Variants in YES1 observed in about 807,000 individuals in gnomAD.
YES1 encodes YES proto-oncogene 1, Src family tyrosine kinase, also known as tyrosine-protein kinase Yes.
YES1 carries 39 observed loss-of-function variants against 70.4 expected under a neutral mutation model. That is an observed-to-expected ratio of 0.55 (90% CI 0.43 to 0.72). The LOEUF (loss-of-function observed/expected upper bound fraction) is 0.72. Among genes scored for constraint, YES1 ranks in the 30% least tolerant of loss-of-function variants. The probability of loss-of-function intolerance (pLI) is 0.00; values close to 1 mark genes in which losing one functional copy is unlikely to be tolerated. For synonymous variants in YES1, 198 were observed against 218.6 expected, an observed-to-expected ratio of 0.91 and a Z score of 0.83; for missense variants, 495 against 644.8, an observed-to-expected ratio of 0.77 and a Z score of 2.52.
chr18:759,603 G>A lies in YES1; in HGVS notation c.-8-2768C>T, dbSNP rs149925240. ...AAAAATTGTGTCTGTACTAAATAAC[G>A]TACAGACTTTTTTTCCTTGTCATTA... On this transcript the variant is annotated intron_variant, in intron 1 of 11. Transcript: ENST00000314574. Among the ~76,000 whole-genome samples the A allele has an allele frequency of 3.4e-3, 507 of 150,684 alleles. 3 individuals are homozygous for A. Among genetic ancestry groups the A allele is most frequent in the Middle Eastern group, 0.01 (3 of 294 alleles).
intron 1 of YES1, among the ~76,000 whole-genome samples, chr18:810,317 CAT>C (rs1907310009): frequency 6.6e-6 from 1 of 152,086 alleles, no homozygotes; most frequent in African/African-American, 2.4e-5. Context: ...ATTTTACTTG[CAT>C]AGACATTAAT....
At chr18:751,945 A>C (rs2145728753) in intron 2 of YES1, 141 bp from the exon 3 acceptor site, 1 of 637,206 alleles carries the variant, frequency 1.6e-6, no homozygotes, top group Non-Finnish European at 2.8e-6. Context: ...AGAAGTTGGA[A>C]CTACTGAAGA....
chr18:780,969 C>T (rs1905628601), intron 1 of YES1, among the ~76,000 whole-genome samples: 1 of 152,100 alleles, frequency 6.6e-6, no homozygotes, highest in African/African-American at 2.4e-5. Context: ...AACTCCTTAA[C>T]ATAAAATAGA....
chr18:809,467 T>C (rs1260199572), intron 1 of YES1, among the ~76,000 whole-genome samples: 1 of 152,064 alleles, frequency 6.6e-6, no homozygotes, highest in Non-Finnish European at 1.5e-5. Context: ...ACCCAGATAA[T>C]TTTTGTACTT....
At chr18:779,217 C>T (rs1905532092) in intron 1 of YES1, among the ~76,000 whole-genome samples, 1 of 151,740 alleles carries the variant, frequency 6.6e-6, no homozygotes. Context: ...GCCTGGGCAA[C>T]AAAAGGAGAC....
rs751882704 is a variant in YES1 at position 743,299 on chromosome 18, C to T, written c.841G>A (p.Val281Ile). The T allele has an allele frequency of 6.8e-6, 11 of 1,612,112 alleles. No individual in the cohort carries two copies. The highest frequency in any genetic ancestry group is 8.5e-6 in the Non-Finnish European group (10 of 1,179,998). Residue 281 changes from valine to isoleucine, a missense_variant, in exon 7 of 12, where the codon GTT becomes ATT. Val to Ile is a conservative substitution (Grantham distance 29, BLOSUM62 3). Coordinates refer to ENST00000314574, the MANE Select transcript of YES1 (RefSeq NM_005433.4). ...CCGAAACATCCTTGTCCTAGTTTAA[C>T]CTCTAGTCGCAAAGATTCTCGAGGG... Reference protein sequence around the residue: ...EIPRESLRLEVKLGQGCFGEV... With the variant: ...EIPRESLRLEIKLGQGCFGEV...
intron 11 of YES1, among the ~76,000 whole-genome samples, chr18:731,966 CAAAAAAAAAA>C (rs1165333694): frequency 1.0e-4 from 8 of 79,970 alleles, no homozygotes; most frequent in East Asian, 3.7e-4. Context: ...GACTCCATTT[CAAAAAAAAAA>C]AAAAAAAAAA....
chr18:751,893 G>T, intron 2 of YES1, 89 bp from the exon 3 acceptor site: 1 of 756,518 alleles, frequency 1.3e-6, no homozygotes. Context: ...AAAAAAAAAA[G>T]CTTAAGGATA....
intron 1 of YES1, among the ~76,000 whole-genome samples, 153 bp downstream of exon 1, chr18:811,961 G>C (rs1383761102): frequency 6.6e-6 from 1 of 152,134 alleles, no homozygotes; most frequent in Non-Finnish European, 1.5e-5. Flanking sequence ...GCGATCCGGG[G>C]GAGGGGAGAA....
chr18:779,759 G>C (rs1905559918), intron 1 of YES1, among the ~76,000 whole-genome samples: 1 of 151,980 alleles, frequency 6.6e-6, no homozygotes, highest in African/African-American at 2.4e-5. Flanking sequence ...CAAGATTTTT[G>C]ACCAGCAAAT....
chr18:785,737 A>T (rs1905903092), intron 1 of YES1, among the ~76,000 whole-genome samples: 1 of 151,966 alleles, frequency 6.6e-6, no homozygotes, highest in South Asian at 2.1e-4. Flanking sequence ...CCAGTCTGTC[A>T]AGACCAGTCT....
chr18:776,233 G>A (rs1275246400), intron 1 of YES1, among the ~76,000 whole-genome samples: 4 of 149,388 alleles, frequency 2.7e-5, no homozygotes, highest in African/African-American at 5.0e-5. Context: ...TCCCTCTGTC[G>A]CCCAGGCTGG....
At chr18:748,469 T>C (rs560739398) in intron 3 of YES1, among the ~76,000 whole-genome samples, 1 of 151,940 alleles carries the variant, frequency 6.6e-6, no homozygotes, top group East Asian at 1.9e-4. Flanking sequence ...TGTACAACCA[T>C]TATCACAATC....
chr18:727,993 A>G (rs190121703), intron 11 of YES1, among the ~76,000 whole-genome samples: 28 of 152,306 alleles, frequency 1.8e-4, no homozygotes, highest in Admixed American at 1.6e-3. Context: ...GAATATTTGC[A>G]TATACATAAT....
At chr18:773,631 T>C (rs1447224929) in intron 1 of YES1, among the ~76,000 whole-genome samples, 1 of 152,198 alleles carries the variant, frequency 6.6e-6, no homozygotes, top group South Asian at 2.1e-4. Flanking sequence ...TTAAAACCTC[T>C]AGACTTTCAT....
chr18:750,281 T>C (rs546290951), intron 3 of YES1, among the ~76,000 whole-genome samples: 39 of 152,330 alleles, frequency 2.6e-4, no homozygotes, highest in African/African-American at 9.1e-4. Context: ...TGATTCACTC[T>C]AACATTTACT....
At chr18:771,367 CAA>C (rs879475206) in intron 1 of YES1, among the ~76,000 whole-genome samples, 1 of 131,540 alleles carries the variant, frequency 7.6e-6, no homozygotes. Context: ...AACTTTGTCT[CAA>C]AAAAAAAAAA....
At chr18:725,513 C>T (rs75389570) in intron 11 of YES1, among the ~76,000 whole-genome samples, 1 of 152,128 alleles carries the variant, frequency 6.6e-6, no homozygotes, top group Middle Eastern at 3.4e-3. Context: ...TTAAAAAAAA[C>T]TCTACATGAC....
At chr18:768,928 C>T (rs1568206641) in intron 1 of YES1, among the ~76,000 whole-genome samples, 1 of 152,134 alleles carries the variant, frequency 6.6e-6, no homozygotes, top group Non-Finnish European at 1.5e-5. Flanking sequence ...GTCTTGAACT[C>T]CTGACCTCCA....
Sources: allele counts gnomAD v4.1 joint callset (sites outside exome capture counted in the v4.1 genomes callset), GRCh38; gene constraint gnomAD v4.1.1; transcripts MANE v1.5; gene names NCBI Gene and HGNC (gene_info 2026-07-23, HGNC 2026-07-21).